CHD7: variants seen among roughly 807,000 people sequenced by gnomAD.
The protein encoded by CHD7 is chromodomain helicase DNA binding protein 7.
Under a neutral mutation model 307.3 loss-of-function variants are expected in CHD7, and 24 were observed. The ratio of observed to expected loss-of-function variants is 0.08; its 90% CI spans 0.06 to 0.11. The LOEUF is 0.11. Ranked by LOEUF, CHD7 falls within the 10% of genes least tolerant of loss-of-function variation. CHD7 has a pLI of 1.00. For missense variants in CHD7, 3,106 were observed against 3,727.1 expected, an observed-to-expected ratio of 0.83 and a Z score of 4.34; for synonymous variants, 1,363 against 1,349.9, an observed-to-expected ratio of 1.01 and a Z score of -0.21.
At position 60,740,730 on chromosome 8, in the gene CHD7, C is replaced by T. The variant is rs117692290; in HGVS notation, c.-174-529C>T. On this transcript the variant is annotated intron_variant, in intron 1 of 37. Coordinates refer to ENST00000423902, the MANE Select transcript of CHD7 (RefSeq NM_017780.4). ...AAATATCTAATTTGTATGAAATGAC[C>T]GATTTTGGTATTTGTATAATCCTCT... 2.7e-3 allele frequency among the ~76,000 whole-genome samples: 414 copies of T among 152,204 alleles called. 2 individuals carry two copies. The highest frequency in any genetic ancestry group is 4.3e-3 in the Non-Finnish European group (294 of 68,024).
chr8:60,775,463 A>C (rs1810907605), intron 2 of CHD7, among the ~76,000 whole-genome samples: 1 of 102,454 alleles, frequency 9.8e-6, no homozygotes. Context: ...ATAGTGTAAT[A>C]TACTATCTTT....
intron 1 of CHD7, among the ~76,000 whole-genome samples, chr8:60,688,452 C>T (rs1452847371): frequency 6.6e-6 from 1 of 152,194 alleles, no homozygotes; most frequent in Non-Finnish European, 1.5e-5. Context: ...CTACAGATGA[C>T]TGGACAAGAA....
Position 60,852,674 on chromosome 8 carries a change from G to A in CHD7, c.6071G>A (p.Arg2024Gln), listed in dbSNP as rs1473449001. Residue 2024 changes from arginine (R) to glutamine (Q), a missense_variant, in exon 30 of 38, where the codon CGA becomes CAA. By Grantham distance (43) the Arg-to-Gln change is conservative. Coordinates refer to ENST00000423902, the MANE Select transcript of CHD7 (RefSeq NM_017780.4). ...AGTTGTTTTGTGGCCATGTGTAGGC[G>A]AGTATGTCGAATGCCCGTCAAGCCA... The part of the protein sequence containing the change: ...YFSCFVAMCR[R>Q]VCRMPVKPDD... The A allele has an allele frequency of 1.9e-6, 3 of 1,613,840 alleles. No homozygotes were observed. The highest frequency in any genetic ancestry group is 2.2e-5 in the South Asian group (2 of 91,078).
At chr8:60,761,114 T>G (rs1235954166) in intron 2 of CHD7, among the ~76,000 whole-genome samples, 2 of 151,726 alleles carry the variant, frequency 1.3e-5, no homozygotes, top group African/African-American at 2.4e-5. Context: ...AATGATAGAT[T>G]GGATTAAGAA....
chr8:60,849,278 C>T (rs1158168664), intron 25 of CHD7, 124 bp downstream of exon 25: 1 of 548,392 alleles, frequency 1.8e-6, no homozygotes, highest in Non-Finnish European at 3.2e-6. Context: ...CTCTTGGCGT[C>T]TACCATTTTT....
chr8:60,808,008 C>A (rs1440223412), intron 6 of CHD7, among the ~76,000 whole-genome samples: 1 of 152,230 alleles, frequency 6.6e-6, no homozygotes, highest in Admixed American at 6.5e-5. Flanking sequence ...GAAGCTCTCG[C>A]ACGTTGAGCA....
chr8:60,796,987 T>C (rs1335963798), intron 4 of CHD7, among the ~76,000 whole-genome samples: 1 of 152,242 alleles, frequency 6.6e-6, no homozygotes, highest in Non-Finnish European at 1.5e-5. Flanking sequence ...CTATTTGTTA[T>C]ACCTGTTTTA....
chr8:60,865,982 T>A lies in CHD7; in HGVS notation c.*49T>A, dbSNP rs1335810032. On this transcript the variant is annotated 3_prime_UTR_variant, in exon 38 of 38. Coordinates refer to ENST00000423902, the MANE Select transcript of CHD7 (RefSeq NM_017780.4). This position sits in a 1 kb window ranked among gnomAD's most constrained non-coding sequence, Gnocchi z 4.3. ...GTTTAAAACTTTTGACAAGTGGTAG[T>A]CCTACTGTTTACACTCACAGTTAAT... is the stretch of plus-strand genomic sequence containing the variant. 2.0e-6 allele frequency: 3 copies of A among 1,464,212 alleles called. No individual in the cohort carries two copies. Among genetic ancestry groups the A allele is most frequent in the Non-Finnish European group, 2.8e-6 (3 of 1,067,082 alleles). The allele number at this position is 1,464,212 out of a possible 1,614,324, so 90.7% of individuals were successfully genotyped here.
intron 2 of CHD7, among the ~76,000 whole-genome samples, 158 bp from the exon 3 acceptor site, chr8:60,780,842 G>A (rs758852518): frequency 2.6e-5 from 4 of 151,914 alleles, no homozygotes; most frequent in Admixed American, 6.6e-5. Flanking sequence ...ATTTTTTTTG[G>A]ATGAGAGAAG....
intron 34 of CHD7, 126 bp downstream of exon 34, chr8:60,857,014 G>A (rs912803576): frequency 1.3e-6 from 1 of 777,804 alleles, no homozygotes; most frequent in South Asian, 2.3e-5. Context: ...CTCCACTAAA[G>A]AAATAGTTTT....
At chr8:60,842,896 C>A (rs1042633906) in intron 21 of CHD7, among the ~76,000 whole-genome samples, 1 of 152,194 alleles carries the variant, frequency 6.6e-6, no homozygotes, top group African/African-American at 2.4e-5. Context: ...ACGGCTTCAT[C>A]TCCTTCAGTG....
intron 28 of CHD7, 81 bp downstream of exon 28, chr8:60,851,400 T>G: frequency 9.7e-7 from 1 of 1,030,492 alleles, no homozygotes; most frequent in Non-Finnish European, 1.5e-6. Flanking sequence ...CTGTCCTGCT[T>G]CATGACAGCA....
chr8:60,776,391 A>G (rs555099637), intron 2 of CHD7, among the ~76,000 whole-genome samples: 9 of 152,204 alleles, frequency 5.9e-5, no homozygotes, highest in Admixed American at 1.3e-4. Context: ...TCAAACTACT[A>G]TCCGCTCATC....
Position 60,800,466 on chromosome 8 carries a change from G to C in CHD7, c.2317G>C (p.Asp773His). The change falls in exon 5 of 38, where the codon GAT (aspartate) becomes CAT (histidine). Residue 773 changes from aspartate (D) to histidine (H), a missense_variant. Physicochemically the swap from Asp to His is moderately conservative, Grantham distance 81. Around this residue, in one of 10 missense-constraint regions of CHD7, gnomAD observed 998 missense variants for 1,004.5 expected, o/e 0.99. Transcript: ENST00000423902. ...LEFKISDEEADDADAAGRDSP... is the reference protein window; with the variant it reads ...LEFKISDEEAHDADAAGRDSP... The stretch of plus-strand genomic sequence containing the variant: ...GTTCAAGATTTCTGATGAGGAGGCA[G>C]ATGATGCAGATGCTGCTGGGAGGGA... 6.2e-7 allele frequency: 1 copy of C among 1,613,920 alleles called. No homozygotes were observed.
At chr8:60,772,201 C>CT (rs1810744509) in intron 2 of CHD7, among the ~76,000 whole-genome samples, 1 of 152,168 alleles carries the variant, frequency 6.6e-6, no homozygotes, top group African/African-American at 2.4e-5. Context: ...TGTAAATTAA[C>CT]TTTATCACTA....
intron 1 of CHD7, among the ~76,000 whole-genome samples, chr8:60,711,625 C>T (rs898887508): frequency 6.6e-6 from 1 of 152,222 alleles, no homozygotes; most frequent in African/African-American, 2.4e-5. Flanking sequence ...GCTCCAACAA[C>T]TGAACACTGT....
At chr8:60,806,824 G>A (rs1489224832) in intron 6 of CHD7, among the ~76,000 whole-genome samples, 3 of 152,092 alleles carry the variant, frequency 2.0e-5, no homozygotes, top group African/African-American at 7.2e-5. Flanking sequence ...GCAACATGGT[G>A]TAAAACCCAG....
chr8:60,836,944 A>G lies in CHD7; in HGVS notation c.4117A>G (p.Ile1373Val). 1 of 1,613,682 alleles carries G rather than the reference A, an allele frequency of 6.2e-7. No homozygotes were observed. The highest frequency in any genetic ancestry group is 8.5e-7 in the Non-Finnish European group (1 of 1,179,714). Residue 1373 changes from isoleucine (I) to valine (V), a missense_variant, in exon 17 of 38, where the codon ATT becomes GTT. Ile to Val is a conservative substitution (Grantham distance 29, BLOSUM62 3). Around this residue, in one of 10 missense-constraint regions of CHD7, gnomAD observed 5 missense variants for 35.1 expected, o/e 0.14. Transcript: ENST00000423902. The part of the protein sequence containing the change: ...LLCTRAGGLG[I>V]NLTAADTCII... ...GTGTACAAGGGCAGGAGGTTTAGGC[A>G]TTAACCTCACTGCTGCTGATACCTG...
At chr8:60,687,648 A>G (rs1805975480) in intron 1 of CHD7, among the ~76,000 whole-genome samples, 1 of 152,232 alleles carries the variant, frequency 6.6e-6, no homozygotes, top group Non-Finnish European at 1.5e-5. Flanking sequence ...AATAACAGTA[A>G]TAACCATAAT....
Sources: gnomAD v4.1 joint callset for allele counts (sites outside exome capture counted in the v4.1 genomes callset) on GRCh38, gnomAD v4.1.1 for gene constraint, gnomAD v4.1.1 regional missense constraint, Gnocchi (gnomAD v3.1) non-coding constraint, MANE v1.5 for transcripts, NCBI Gene and HGNC (gene_info 2026-07-23, HGNC 2026-07-21) for gene names.